The following FBXL14 variants were observed in gnomAD, a reference collection of about 807,000 sequenced individuals.
FBXL14 encodes the protein F-box and leucine rich repeat protein 14.
Under a neutral mutation model 24.5 loss-of-function variants are expected in FBXL14, and 11 were observed. The ratio of observed to expected loss-of-function variants is 0.45; its 90% CI spans 0.28 to 0.74. The LOEUF is 0.74. Ranked by LOEUF, FBXL14 falls within the 30% of genes least tolerant of loss-of-function variation. The pLI, the probability that FBXL14 is intolerant of heterozygous loss-of-function variation, is 0.12. For missense variants in FBXL14, 384 were observed against 545.6 expected, an observed-to-expected ratio of 0.70 and a Z score of 2.95; for synonymous variants, 294 against 240.4, an observed-to-expected ratio of 1.22 and a Z score of -2.06.
intron 1 of FBXL14, among the ~76,000 whole-genome samples, chr12:1,571,019 G>A (rs1482068690): frequency 6.6e-6 from 1 of 152,166 alleles, no homozygotes; most frequent in Non-Finnish European, 1.5e-5. Context: ...TCCTTTCTCT[G>A]TGTGGCATGT....
chr12:1,569,924 G>A lies in FBXL14; in HGVS notation c.1195-3114C>T, dbSNP rs117794646. ...CCACTGCAGAGCCAGCATCCCCCTCGAGAGCTGCACTTCTGCCCTCAGGCC... is the reference window on the plus strand; with the variant it reads ...CCACTGCAGAGCCAGCATCCCCCTCAAGAGCTGCACTTCTGCCCTCAGGCC... On this transcript the variant is annotated intron_variant, in intron 1 of 1. Transcript: ENST00000339235. This position sits in a 1 kb window ranked among gnomAD's most constrained non-coding sequence, Gnocchi z 4.2. Among the ~76,000 whole-genome samples the A allele has an allele frequency of 0.027, 4,122 of 152,276 alleles. 96 individuals carry two copies. Among genetic ancestry groups the A allele is most frequent in the Middle Eastern group, 0.068 (20 of 294 alleles).
At chr12:1,582,034 G>A (rs930632948) in intron 1 of FBXL14, among the ~76,000 whole-genome samples, 3 of 152,160 alleles carry the variant, frequency 2.0e-5, no homozygotes, top group African/African-American at 7.2e-5. Context: ...GCTGAGGCAG[G>A]AGCATTGCTT....
chr12:1,580,534 G>A (rs577768580), intron 1 of FBXL14, among the ~76,000 whole-genome samples: 3 of 152,008 alleles, frequency 2.0e-5, no homozygotes, highest in Non-Finnish European at 2.9e-5. Flanking sequence ...AAACATAGTG[G>A]GGGGGGAGGT....
Position 1,569,892 on chromosome 12 carries a change from C to A in FBXL14, c.1195-3082G>T, listed in dbSNP as rs1384814136. The stretch of plus-strand genomic sequence containing the variant: ...AGAGCCAAGGGAGGGCAGGGCGCAC[C>A]ACATGCCCACTGCAGAGCCAGCATC... On this transcript the variant is annotated intron_variant, in intron 1 of 1. Transcript: ENST00000339235. This position sits in a 1 kb window ranked among gnomAD's most constrained non-coding sequence, Gnocchi z 4.2. Among the ~76,000 whole-genome samples the A allele has an allele frequency of 6.6e-6, 1 of 152,198 alleles. No individual in the cohort carries two copies. The highest frequency in any genetic ancestry group is 1.5e-5 in the Non-Finnish European group (1 of 68,034).
intron 1 of FBXL14, among the ~76,000 whole-genome samples, chr12:1,591,798 G>A (rs933694518): frequency 6.6e-6 from 1 of 152,176 alleles, no homozygotes; most frequent in Non-Finnish European, 1.5e-5. Flanking sequence ...GCCGCACTGT[G>A]TGACCTTTTT....
chr12:1,589,397 CAAAAAAAAA>C (rs869295084), intron 1 of FBXL14, among the ~76,000 whole-genome samples: 1 of 10,982 alleles, frequency 9.1e-5, no homozygotes, highest in Non-Finnish European at 1.9e-4. Flanking sequence ...GACCTTGTCT[CAAAAAAAAA>C]AAAAAAAAAA....
chr12:1,586,680 C>G (rs2094477285), intron 1 of FBXL14, among the ~76,000 whole-genome samples: 2 of 152,198 alleles, frequency 1.3e-5, no homozygotes, highest in Non-Finnish European at 2.9e-5. Flanking sequence ...AGCATCTTTT[C>G]CCATTTATAA....
At chr12:1,581,083 C>T (rs192686105) in intron 1 of FBXL14, among the ~76,000 whole-genome samples, 218 of 152,258 alleles carry the variant, frequency 1.4e-3, no homozygotes, top group Non-Finnish European at 2.4e-3. Context: ...TGTGTGGCCA[C>T]GTCGCCTGGA....
upstream of FBXL14, among the ~76,000 whole-genome samples, chr12:1,594,787 G>C (rs2094498409): frequency 6.6e-6 from 1 of 150,504 alleles, no homozygotes; most frequent in South Asian, 2.1e-4. Flanking sequence ...CGTGCGTTTG[G>C]TAGCGCCCGG....
chr12:1,580,901 A>T (rs548509026), intron 1 of FBXL14, among the ~76,000 whole-genome samples: 2 of 152,266 alleles, frequency 1.3e-5, no homozygotes, highest in South Asian at 4.1e-4. Flanking sequence ...TGGCAGGTGC[A>T]GAGGTAGGAA....
chr12:1,587,360 A>G (rs2094479092), intron 1 of FBXL14: 1 of 152,176 alleles, frequency 6.6e-6, no homozygotes, highest in Non-Finnish European at 1.5e-5. Context: ...AGGCAGAGGA[A>G]TTCCACTTCG....
rs1483055906 is a variant in FBXL14, at chr12:1,567,583, G to T, written c.1195-773C>A. ...TCACAACCAGACTCAGAGACAGCAGGGATGCTGGAATTACCAGGCGGGAAA... is the reference window on the plus strand; with the variant it reads ...TCACAACCAGACTCAGAGACAGCAGTGATGCTGGAATTACCAGGCGGGAAA... On this transcript the variant is annotated intron_variant, in intron 1 of 1. Transcript: ENST00000339235. The surrounding 1 kb of genome is among the most constrained non-coding windows in gnomAD (Gnocchi z 4.8). Among the ~76,000 whole-genome samples the T allele has an allele frequency of 6.6e-6, 1 of 152,170 alleles. No homozygotes were observed. Among genetic ancestry groups the T allele is most frequent in the Non-Finnish European group, 1.5e-5 (1 of 68,032 alleles).
chr12:1,569,397 CTTTTTTTTTTT>C lies in FBXL14; in HGVS notation c.1195-2598_1195-2588del, dbSNP rs35122636. Among the ~76,000 whole-genome samples, 1 of 134,928 alleles carries C rather than the reference CTTTTTTTTTTT, an allele frequency of 7.4e-6. No homozygotes were observed. Among genetic ancestry groups the C allele is most frequent in the Non-Finnish European group, 1.6e-5 (1 of 62,918 alleles). The allele number at this position is 134,928 out of a possible 152,430, so 88.5% of individuals were successfully genotyped here. On this transcript the variant is annotated intron_variant, in intron 1 of 1. Coordinates refer to ENST00000339235, the MANE Select transcript of FBXL14 (RefSeq NM_152441.3). This position sits in a 1 kb window ranked among gnomAD's most constrained non-coding sequence, Gnocchi z 4.2. ...ATGCTAAATAAGAAACCACTTCGTT[CTTTTTTTTTTT>C]TTTTTTGTCTGAGACGGAGTCTCGC...
At chr12:1,577,391 A>G (rs1396030819) in intron 1 of FBXL14, among the ~76,000 whole-genome samples, 1 of 150,310 alleles carries the variant, frequency 6.7e-6, no homozygotes, top group Non-Finnish European at 1.5e-5. Flanking sequence ...CTTGTCATCT[A>G]GTTGTCCTAT....
At chr12:1,573,767 G>A (rs2154437779) in intron 1 of FBXL14, among the ~76,000 whole-genome samples, 1 of 152,346 alleles carries the variant, frequency 6.6e-6, no homozygotes, top group African/African-American at 2.4e-5. Flanking sequence ...CACTTTGGGA[G>A]GCCAAGGCGG....
chr12:1,591,572 C>A (rs937027824), intron 1 of FBXL14, among the ~76,000 whole-genome samples: 3 of 152,088 alleles, frequency 2.0e-5, no homozygotes, highest in Non-Finnish European at 4.4e-5. Flanking sequence ...AACAAAAATC[C>A]AACGAAAATA....
In FBXL14 at chr12:1,593,101, G is replaced by C; in HGVS notation, c.966C>G (p.Ile322Met). 2.5e-6 allele frequency: 4 copies of C among 1,613,526 alleles called. No individual in the cohort carries two copies. Among genetic ancestry groups the C allele is most frequent in the Non-Finnish European group, 3.4e-6 (4 of 1,180,036 alleles). Residue 322 changes from isoleucine (I) to methionine (M), a missense_variant, in exon 1 of 2, where the codon ATC (isoleucine) becomes ATG (methionine). Transcript: ENST00000339235. This position sits in a 1 kb window ranked among gnomAD's most constrained non-coding sequence, Gnocchi z 7.4. ...LCSCHISDDG[I>M]NRMVRQMHGL... ...CGTGCATCTGCCGCACCATGCGGTT[G>C]ATGCCATCATCACTGATGTGGCAGG...
At chr12:1,585,393 G>A (rs1176656568) in intron 1 of FBXL14, among the ~76,000 whole-genome samples, 6 of 143,022 alleles carry the variant, frequency 4.2e-5, no homozygotes, top group African/African-American at 1.4e-4. Flanking sequence ...GCGAGACTCC[G>A]TCTCAAAAAA....
At position 1,594,518 on chromosome 12, in the gene FBXL14, C is replaced by T. The variant is rs1348911883; in HGVS notation, c.-452G>A. On this transcript the variant is annotated 5_prime_UTR_variant, in exon 1 of 2. Transcript: ENST00000339235. ...GCGGGCGGCGAGGGGGCCCCGGGGG[C>T]CGGGCGCACGGGCTCCGGGCGCGGA... is the stretch of plus-strand genomic sequence containing the variant. Among the ~76,000 whole-genome samples the T allele has an allele frequency of 1.4e-5, 2 of 147,512 alleles. No homozygotes were observed. Among genetic ancestry groups the T allele is most frequent in the East Asian group, 2.0e-4 (1 of 5,104 alleles).
Sources: gnomAD v4.1 joint callset for allele counts (sites outside exome capture counted in the v4.1 genomes callset) on GRCh38, gnomAD v4.1.1 for gene constraint, Gnocchi (gnomAD v3.1) non-coding constraint, MANE v1.5 for transcripts, NCBI Gene and HGNC (gene_info 2026-07-23, HGNC 2026-07-21) for gene names.